Variants in CENPF observed in about 807,000 individuals in gnomAD.
CENPF encodes centromere protein F.
Under a neutral mutation model 307.3 loss-of-function variants are expected in CENPF, and 214 were observed. The observed-to-expected ratio is 0.70, with a 90% CI of 0.62 to 0.78. CENPF has a LOEUF of 0.78. CENPF is among the 30% of genes least tolerant of loss of function. The pLI, the probability that CENPF is intolerant of heterozygous loss-of-function variation, is 0.00. For synonymous variants in CENPF, 1,259 were observed against 1,270.6 expected (o/e 0.99, Z 0.19); for missense variants, 3,401 against 3,483.9 (o/e 0.98, Z 0.60).
intron 9 of CENPF, among the ~76,000 whole-genome samples, chr1:214,631,827 C>T (rs1344127834): frequency 6.6e-6 from 1 of 152,172 alleles, no homozygotes; most frequent in Non-Finnish European, 1.5e-5. Flanking sequence ...CAGTTACTGC[C>T]AAATTGCCCT....
Position 214,605,266 on chromosome 1 carries a change from T to C in CENPF, c.-42+1945T>C, listed in dbSNP as rs1287686541. 2.6e-5 allele frequency among the ~76,000 whole-genome samples: 4 copies of C among 152,256 alleles called. No individual in the cohort carries two copies. The East Asian group carries it at 5.8e-4, about 22-fold the overall frequency. On this transcript the variant is annotated intron_variant, in intron 1 of 19. Coordinates refer to ENST00000366955, the MANE Select transcript of CENPF (RefSeq NM_016343.4). ...TGAAAAAGTGTTTTTAAAAAGTATGTAATAGCTAACATATATGGAAAGCTT... is the reference window on the plus strand; with the variant it reads ...TGAAAAAGTGTTTTTAAAAAGTATGCAATAGCTAACATATATGGAAAGCTT...
intron 14 of CENPF, 141 bp downstream of exon 14, chr1:214,648,968 A>C (rs1281398621): frequency 1.2e-6 from 1 of 820,428 alleles, no homozygotes; most frequent in Admixed American, 2.9e-5. Flanking sequence ...TTATGTCATA[A>C]TCTGATTTAT....
Position 214,641,711 on chromosome 1 carries a change from G to T in CENPF, c.3373G>T (p.Ala1125Ser), listed in dbSNP as rs906488388. 3.8e-6 allele frequency: 6 copies of T among 1,580,006 alleles called. No individual in the cohort carries two copies. Among genetic ancestry groups the T allele is most frequent in the Non-Finnish European group, 5.1e-6 (6 of 1,166,832 alleles). Residue 1125 changes from alanine (A) to serine (S), a missense_variant, in exon 12 of 20, where the codon GCT becomes TCT. Transcript: ENST00000366955. ...TDNQNNSKSE[A>S]GGLKQEIMTL... ...TAACCAAAACAATTCTAAGAGCGAGGCTGGTGGTTTAAAGCAAGAAATCAT... is the reference window on the plus strand; with the variant it reads ...TAACCAAAACAATTCTAAGAGCGAGTCTGGTGGTTTAAAGCAAGAAATCAT...
intron 14 of CENPF, among the ~76,000 whole-genome samples, chr1:214,651,049 G>A (rs1163108824): frequency 6.6e-6 from 1 of 152,238 alleles, no homozygotes; most frequent in East Asian, 1.9e-4. Context: ...CATGGAGGTT[G>A]CTGATGCCAT....
At position 214,659,087 on chromosome 1, in the gene CENPF, G is replaced by A; in HGVS notation, c.9141+59G>A. ...GATCCAGAAAATTGCAGTAGTACCT[G>A]GGTGAGGATTGGACACTGCACCCCC... On this transcript the variant is annotated intron_variant, in intron 19 of 19. Transcript: ENST00000366955. The surrounding 1 kb of genome is among the most constrained non-coding windows in gnomAD (Gnocchi z 4.4). 1 of 1,582,034 alleles carries A rather than the reference G, an allele frequency of 6.3e-7. No individual in the cohort carries two copies. The highest frequency in any genetic ancestry group is 8.6e-7 in the Non-Finnish European group (1 of 1,156,960).
rs777206190 is a variant in CENPF at position 214,620,715 on chromosome 1, G to T, written c.634G>T (p.Ala212Ser). Residue 212 changes from alanine (A) to serine (S), a missense_variant, in exon 6 of 20, where the codon GCT becomes TCT. Physicochemically the swap from Ala to Ser is moderately conservative, Grantham distance 99. Transcript: ENST00000366955. ...TCACCGCGACATTGCCCGGCATCAGGCTTCATCATCTGTGTTCTCATGGCA... is the reference window on the plus strand; with the variant it reads ...TCACCGCGACATTGCCCGGCATCAGTCTTCATCATCTGTGTTCTCATGGCA... ...MNHRDIARHQ[A>S]SSSVFSWQQE... 1 of 1,614,132 alleles carries T rather than the reference G, an allele frequency of 6.2e-7. No individual in the cohort carries two copies. Among genetic ancestry groups the T allele is most frequent in the South Asian group, 1.1e-5 (1 of 91,080 alleles).
At chr1:214,606,627 G>T (rs1484823219) in intron 1 of CENPF, among the ~76,000 whole-genome samples, 1 of 152,136 alleles carries the variant, frequency 6.6e-6, no homozygotes. Flanking sequence ...CCAATGAGAT[G>T]CCAGTGCAAC....
In CENPF at chr1:214,608,432, G is replaced by A. The variant is rs959606585; in HGVS notation, c.-42+5111G>A. 2.5e-6 allele frequency: 4 copies of A among 1,613,204 alleles called. No individual in the cohort carries two copies. The African/African-American group carries it at 5.3e-5, about 22-fold the overall frequency. On this transcript the variant is annotated intron_variant, in intron 1 of 19. Transcript: ENST00000366955. ...TAGGAGAAGATGTTGCAATGGAGGC[G>A]GGAGCCCAGGCCAATGTAGAAGCTG...
rs778365112 is a variant in CENPF, at chr1:214,653,080, A to AT, written c.8322+95dup. On this transcript the variant is annotated intron_variant, in intron 16 of 19. Coordinates refer to ENST00000366955, the MANE Select transcript of CENPF (RefSeq NM_016343.4). ...TATAGCATTAAACGTTTTCATTTTC[A>AT]TTTTATGAAAATTTTTGGTAGTCAA... 41 of 1,276,648 alleles carry AT rather than the reference A, an allele frequency of 3.2e-5. No individual in the cohort carries two copies. In the African/African-American group the frequency reaches 3.9e-4, roughly 12 times the overall value. 79.1% of individuals were successfully genotyped at this position (1,276,648 alleles called of 1,614,324 possible). A position where few individuals can be genotyped will look rare whatever the true frequency, so the allele number is the denominator to read the frequency against.
chr1:214,618,814 G>T (rs1571698749), intron 4 of CENPF, 120 bp downstream of exon 4: 1 of 985,800 alleles, frequency 1.0e-6, no homozygotes, highest in East Asian at 2.7e-5. Context: ...TTTAAAAACT[G>T]CAGCCACTTG....
intron 6 of CENPF, 94 bp downstream of exon 6, chr1:214,621,040 G>A: frequency 8.4e-7 from 1 of 1,189,536 alleles, no homozygotes; most frequent in Non-Finnish European, 1.2e-6. Flanking sequence ...GTGCTTATGT[G>A]TTTTGTTAGG....
Position 214,645,590 on chromosome 1 carries a change from C to T in CENPF, c.6020C>T (p.Ala2007Val), listed in dbSNP as rs1017136383. 7 of 1,613,952 alleles carry T rather than the reference C, an allele frequency of 4.3e-6. No individual in the cohort carries two copies. In the African/African-American group the frequency reaches 9.3e-5, roughly 22 times the overall value. The stretch of plus-strand genomic sequence containing the variant: ...CTCCATTGCATTCAGGTGGCAGAGG[C>T]AGAGGTGAAGGAAAAGACGGAACTC... ...ECLHCIQVAE[A>V]EVKEKTELLQ... The change falls in exon 13 of 20, where the codon GCA becomes GTA. Residue 2007 changes from alanine (A) to valine (V), a missense_variant. Physicochemically the swap from Ala to Val is moderately conservative, Grantham distance 64 (BLOSUM62 0). Coordinates refer to ENST00000366955, the MANE Select transcript of CENPF (RefSeq NM_016343.4).
At chr1:214,606,238 A>AC (rs1657027591) in intron 1 of CENPF, among the ~76,000 whole-genome samples, 2 of 152,064 alleles carry the variant, frequency 1.3e-5, no homozygotes, top group African/African-American at 4.8e-5. Context: ...CCCGAGGGCC[A>AC]CCCCCAGCCC....
intron 16 of CENPF, 96 bp downstream of exon 16, chr1:214,653,085 A>G: frequency 1.6e-6 from 2 of 1,268,604 alleles, no homozygotes; most frequent in Non-Finnish European, 2.3e-6. Context: ...TTTTCATTTT[A>G]TGAAAATTTT....
chr1:214,644,379 G>A (rs1006380551), intron 12 of CENPF, among the ~76,000 whole-genome samples, 178 bp from the exon 13 acceptor site: 1 of 152,326 alleles, frequency 6.6e-6, no homozygotes, highest in East Asian at 1.9e-4. Flanking sequence ...CTTACTGAAC[G>A]TATAAGTATG....
chr1:214,630,641 C>T lies in CENPF; in HGVS notation c.1302C>T (p.Val434=), dbSNP rs771606142. 2 of 1,614,134 alleles carry T rather than the reference C, an allele frequency of 1.2e-6. No individual in the cohort carries two copies. The highest frequency in any genetic ancestry group is 3.3e-5 in the Admixed American group (2 of 60,014). The change falls in exon 9 of 20, where the codon GTC becomes GTT. Residue 434 remains valine (V), a synonymous_variant. Coordinates refer to ENST00000366955, the MANE Select transcript of CENPF (RefSeq NM_016343.4). ...AGCAAGCCAAGAATATGCACAACGT[C>T]CTGCAGGCTGAACTGGATAAAGTAG... is the stretch of plus-strand genomic sequence containing the variant. The part of the protein sequence containing the change: ...ELQQAKNMHN[V]LQAELDKLTS...
intron 3 of CENPF, among the ~76,000 whole-genome samples, chr1:214,617,668 CTG>C (rs1398312498): frequency 2.6e-5 from 4 of 152,130 alleles, no homozygotes; most frequent in African/African-American, 7.2e-5. Context: ...ATTTTTATAT[CTG>C]TGTTTTAAAA....
chr1:214,656,315 C>T (rs1012637054), intron 17 of CENPF, among the ~76,000 whole-genome samples: 1 of 152,158 alleles, frequency 6.6e-6, no homozygotes, highest in African/African-American at 2.4e-5. Context: ...ACAGTCTTCC[C>T]TGTTGGAAAC....
At chr1:214,608,512 G>T (rs1054047864) in intron 1 of CENPF, 1 of 1,612,086 alleles carries the variant, frequency 6.2e-7, no homozygotes, top group Admixed American at 1.7e-5. Context: ...CGTGTACCTG[G>T]CACCAGTCAC....
Sources: gnomAD v4.1 joint callset for allele counts (sites outside exome capture counted in the v4.1 genomes callset) on GRCh38, gnomAD v4.1.1 for gene constraint, Gnocchi (gnomAD v3.1) non-coding constraint, MANE v1.5 for transcripts, NCBI Gene and HGNC (gene_info 2026-07-23, HGNC 2026-07-21) for gene names.